Variants in MAP4K3 observed in about 807,000 individuals in gnomAD.
MAP4K3 encodes the protein mitogen-activated protein kinase kinase kinase kinase 3.
In MAP4K3, 94 loss-of-function variants were observed where a neutral mutation model predicts 143.5. The observed-to-expected ratio is 0.65, with a 90% CI of 0.55 to 0.78. The LOEUF (loss-of-function observed/expected upper bound fraction) is 0.78, where lower values mean the gene tolerates loss of function less well. MAP4K3 is among the 30% of genes least tolerant of loss of function. The pLI, the probability that MAP4K3 is intolerant of heterozygous loss-of-function variation, is 0.00. For synonymous variants in MAP4K3, 416 were observed against 347.2 expected, an observed-to-expected ratio of 1.20 and a Z score of -2.20; for missense variants, 1,077 against 1,068.1, an observed-to-expected ratio of 1.01 and a Z score of -0.12.
chr2:39,281,624 A>G (rs1326154226), intron 22 of MAP4K3, among the ~76,000 whole-genome samples: 1 of 152,168 alleles, frequency 6.6e-6, no homozygotes, highest in Non-Finnish European at 1.5e-5. Flanking sequence ...GCTGGAGTCT[A>G]CCTGGCATTC....
In MAP4K3 at chr2:39,371,099, T is replaced by C. The variant is rs533343154; in HGVS notation, c.154+6967A>G. On this transcript the variant is annotated intron_variant, in intron 2 of 33. Coordinates refer to ENST00000263881, the MANE Select transcript of MAP4K3 (RefSeq NM_003618.4). ...ACAGACCACAGGAACAAACCCGTCA[T>C]CTGACAAATTCAGGTTTACTGACCC... Among the ~76,000 whole-genome samples the C allele has an allele frequency of 5.3e-5, 8 of 152,302 alleles. No homozygotes were observed. The East Asian group carries it at 5.8e-4, about 11-fold the overall frequency.
chr2:39,252,003 T>C, intron 32 of MAP4K3, 118 bp from the exon 33 acceptor site: 1 of 695,068 alleles, frequency 1.4e-6, no homozygotes, highest in South Asian at 1.7e-5. Context: ...AACATATTCC[T>C]GCATGACTGT....
chr2:39,338,480 C>G (rs1165146725), intron 4 of MAP4K3, among the ~76,000 whole-genome samples: 1 of 152,172 alleles, frequency 6.6e-6, no homozygotes, highest in Non-Finnish European at 1.5e-5. Context: ...ATAGTTTGGT[C>G]TATAACCTAC....
At chr2:39,359,311 G>A (rs1449531855) in intron 2 of MAP4K3, among the ~76,000 whole-genome samples, 1 of 152,132 alleles carries the variant, frequency 6.6e-6, no homozygotes, top group Non-Finnish European at 1.5e-5. Flanking sequence ...GACCTCTTTT[G>A]ACTCCATGTC....
intron 6 of MAP4K3, among the ~76,000 whole-genome samples, chr2:39,334,515 T>C (rs1683796125): frequency 6.6e-6 from 1 of 152,148 alleles, no homozygotes; most frequent in African/African-American, 2.4e-5. Flanking sequence ...CTGATACTAC[T>C]GTAGCTCTGT....
intron 26 of MAP4K3, among the ~76,000 whole-genome samples, chr2:39,270,589 A>G (rs1680974514): frequency 6.6e-6 from 1 of 152,228 alleles, no homozygotes; most frequent in South Asian, 2.1e-4. Context: ...GTTACAGCTG[A>G]ATATACGTGG....
intron 1 of MAP4K3, among the ~76,000 whole-genome samples, chr2:39,423,967 G>A (rs372028230): frequency 2.7e-5 from 4 of 150,890 alleles, no homozygotes; most frequent in Non-Finnish European, 5.9e-5. Context: ...TTTTTGAGAC[G>A]GAGTCTCGCT....
At chr2:39,355,312 G>A (rs1047377606) in intron 3 of MAP4K3, among the ~76,000 whole-genome samples, 1 of 123,206 alleles carries the variant, frequency 8.1e-6, no homozygotes, top group East Asian at 2.5e-4. Flanking sequence ...GGTGAGCCGA[G>A]ATCACACCAC....
chr2:39,384,438 C>G (rs1166978501), intron 1 of MAP4K3, among the ~76,000 whole-genome samples: 1 of 152,176 alleles, frequency 6.6e-6, no homozygotes, highest in Non-Finnish European at 1.5e-5. Flanking sequence ...CCCAGCTACT[C>G]GAGAGGCTGG....
At chr2:39,325,287 T>C (rs1357969601) in intron 12 of MAP4K3, among the ~76,000 whole-genome samples, 1 of 152,226 alleles carries the variant, frequency 6.6e-6, no homozygotes, top group Non-Finnish European at 1.5e-5. Flanking sequence ...TTAAATGATA[T>C]GCCTTTGCCA....
intron 8 of MAP4K3, among the ~76,000 whole-genome samples, chr2:39,329,163 A>C (rs1226459932): frequency 6.6e-6 from 1 of 152,212 alleles, no homozygotes; most frequent in Non-Finnish European, 1.5e-5. Context: ...TGGAGTTGGA[A>C]ATTTCATCAT....
At chr2:39,382,616 T>C (rs1487093535) in intron 1 of MAP4K3, among the ~76,000 whole-genome samples, 3 of 152,170 alleles carry the variant, frequency 2.0e-5, no homozygotes, top group Non-Finnish European at 4.4e-5. Flanking sequence ...TTCCAAATAC[T>C]GAACCAGCTA....
Position 39,336,210 on chromosome 2 carries a change from G to A in MAP4K3, c.414+710C>T, listed in dbSNP as rs113537249. On this transcript the variant is annotated intron_variant, in intron 6 of 33. Coordinates refer to ENST00000263881, the MANE Select transcript of MAP4K3 (RefSeq NM_003618.4). ...GAGAAGGCAGGACACAGTGGCTCACGTCTGTAATCCTGGCACTTTTAGGAG... is the reference window on the plus strand; with the variant it reads ...GAGAAGGCAGGACACAGTGGCTCACATCTGTAATCCTGGCACTTTTAGGAG... Among the ~76,000 whole-genome samples the A allele has an allele frequency of 1.7e-3, 262 of 152,172 alleles. 1 individual carries two copies. Among genetic ancestry groups the A allele is most frequent in the African/African-American group, 5.3e-3 (219 of 41,534 alleles).
chr2:39,421,622 A>C (rs1391744396), intron 1 of MAP4K3, among the ~76,000 whole-genome samples: 1 of 152,210 alleles, frequency 6.6e-6, no homozygotes, highest in Non-Finnish European at 1.5e-5. Context: ...GAATACCTAT[A>C]AAGCACTTAA....
chr2:39,265,617 C>T (rs984571732), intron 27 of MAP4K3, among the ~76,000 whole-genome samples: 1 of 152,106 alleles, frequency 6.6e-6, no homozygotes, highest in Non-Finnish European at 1.5e-5. Context: ...CCTGAGGTGG[C>T]AACATTCTGA....
At chr2:39,349,444 A>G (rs533365628) in intron 3 of MAP4K3, among the ~76,000 whole-genome samples, 12 of 152,182 alleles carry the variant, frequency 7.9e-5, no homozygotes, top group Non-Finnish European at 1.3e-4. Context: ...GTTCAGCATA[A>G]TATTTCCAAA....
intron 1 of MAP4K3, among the ~76,000 whole-genome samples, chr2:39,435,355 G>C (rs1253926030): frequency 6.6e-6 from 1 of 152,168 alleles, no homozygotes; most frequent in Non-Finnish European, 1.5e-5. Flanking sequence ...AGAACTAAGA[G>C]GCCTGCAAGA....
At chr2:39,266,012 T>C (rs1376907512) in intron 27 of MAP4K3, among the ~76,000 whole-genome samples, 1 of 152,150 alleles carries the variant, frequency 6.6e-6, no homozygotes, top group African/African-American at 2.4e-5. Flanking sequence ...AGATTTGAAA[T>C]ATTTAAATGG....
intron 19 of MAP4K3, among the ~76,000 whole-genome samples, chr2:39,288,775 G>A (rs565827177): frequency 2.8e-4 from 42 of 152,320 alleles, no homozygotes; most frequent in African/African-American, 7.5e-4. Flanking sequence ...TCATGTGGCC[G>A]GGTGCGGTGG....
Sources: gnomAD v4.1 joint callset for allele counts (sites outside exome capture counted in the v4.1 genomes callset) on GRCh38, gnomAD v4.1.1 for gene constraint, MANE v1.5 for transcripts, NCBI Gene and HGNC (gene_info 2026-07-23, HGNC 2026-07-21) for gene names.